Variants in CYRIB observed in about 807,000 individuals in gnomAD.
CYRIB encodes CYFIP-related Rac1 interactor B.
Under a neutral mutation model 44.2 loss-of-function variants are expected in CYRIB, and 8 were observed. The observed-to-expected ratio is 0.18, with a 90% CI of 0.11 to 0.33. The LOEUF (loss-of-function observed/expected upper bound fraction) is 0.33. CYRIB is among the 10% of genes least tolerant of loss of function. The pLI is 1.00. For missense variants in CYRIB, 185 were observed against 382.8 expected, an observed-to-expected ratio of 0.48 and a Z score of 4.31; for synonymous variants, 131 against 127.2, an observed-to-expected ratio of 1.03 and a Z score of -0.20.
At chr8:129,955,483 C>T (rs1336955803) in intron 2 of CYRIB, among the ~76,000 whole-genome samples, 1 of 152,014 alleles carries the variant, frequency 6.6e-6, no homozygotes, top group African/African-American at 2.4e-5. Flanking sequence ...ACCTACACAT[C>T]GAGGCTCCCA....
In CYRIB at chr8:129,915,131, C is replaced by T. The variant is rs188041319; in HGVS notation, c.-49-11781G>A. On this transcript the variant is annotated intron_variant, in intron 1 of 11. Transcript: ENST00000519824. ...CACCTTCAATATGACACAGTCATTC[C>T]ATCTACGTATTCATCCAAGAAAAAT... Among the ~76,000 whole-genome samples the T allele has an allele frequency of 3.7e-3, 560 of 152,294 alleles. 4 individuals carry two copies. The highest frequency in any genetic ancestry group is 0.013 in the African/African-American group (542 of 41,558).
At chr8:129,921,132 C>G (rs1056940535) in intron 1 of CYRIB, among the ~76,000 whole-genome samples, 1 of 152,302 alleles carries the variant, frequency 6.6e-6, no homozygotes, top group African/African-American at 2.4e-5. Flanking sequence ...ACCTTTTACT[C>G]AGACATAAGT....
intron 2 of CYRIB, chr8:129,903,105 A>G (rs1225073768): frequency 1.3e-5 from 2 of 152,584 alleles, no homozygotes; most frequent in African/African-American, 4.8e-5. Context: ...GCTGTTAAAA[A>G]AAGTTCTAAT....
At chr8:130,013,520 G>T (rs1233862260) in intron 1 of CYRIB, among the ~76,000 whole-genome samples, 3 of 152,192 alleles carry the variant, frequency 2.0e-5, no homozygotes, top group Non-Finnish European at 4.4e-5. Flanking sequence ...CTTAAAATCT[G>T]AATTTTCAGC....
In CYRIB at chr8:129,945,270, AT is replaced by A. The variant is rs375564837; in HGVS notation, c.-243+25672del. On this transcript the variant is annotated intron_variant, in intron 2 of 14. Transcript: ENST00000401979. ...CATTTGTTCATTCATGTGTTCATGT[AT>A]TCACTCCTTCTACAAAGCATTCCTG... Among the ~76,000 whole-genome samples, 166 of 152,308 alleles carry A rather than the reference AT, an allele frequency of 1.1e-3. 1 individual carries two copies. The highest frequency in any genetic ancestry group is 3.8e-3 in the African/African-American group (158 of 41,562).
At chr8:129,976,282 CTTTA>C (rs1282123337) in intron 1 of CYRIB, among the ~76,000 whole-genome samples, 2 of 152,046 alleles carry the variant, frequency 1.3e-5, no homozygotes, top group Admixed American at 6.6e-5. Context: ...CGCTTTATTG[CTTTA>C]TTTAATAAAA....
intron 2 of CYRIB, among the ~76,000 whole-genome samples, chr8:129,882,282 C>G (rs2061057720): frequency 6.6e-6 from 1 of 152,130 alleles, no homozygotes; most frequent in Admixed American, 6.6e-5. Flanking sequence ...GGTAGTTAAC[C>G]CTTTTGGGGA....
At chr8:129,890,516 C>T (rs2064887973) in intron 2 of CYRIB, 1 of 152,174 alleles carries the variant, frequency 6.6e-6, no homozygotes, top group Non-Finnish European at 1.5e-5. Context: ...CTCAGTAACC[C>T]TTCTGAAAAT....
chr8:129,855,782 TTG>T, intron 5 of CYRIB, 35 bp from the exon 8 acceptor site: 1 of 1,572,318 alleles, frequency 6.4e-7, no homozygotes, highest in Non-Finnish European at 8.6e-7. Flanking sequence ...ATTAAGTTGT[TTG>T]TATCTGTGTG....
rs187376174 is a variant in CYRIB at position 129,922,515 on chromosome 8, T to A, written c.-50+17093A>T. Among the ~76,000 whole-genome samples the A allele has an allele frequency of 4.6e-4, 70 of 152,248 alleles. No homozygotes were observed. In the South Asian group the frequency reaches 0.01, roughly 22 times the overall value. On this transcript the variant is annotated intron_variant, in intron 1 of 11. Coordinates refer to ENST00000519824, the Ensembl canonical transcript of CYRIB. ...GTTTCAAAACAAAATTTGAACATTA[T>A]TATAAAAGTAGAACACCCAGAAAAA...
chr8:129,960,471 T>C (rs1308666310), intron 2 of CYRIB, among the ~76,000 whole-genome samples: 1 of 151,472 alleles, frequency 6.6e-6, no homozygotes, highest in African/African-American at 2.4e-5. Context: ...GGCGGGCACC[T>C]GTAATCCCAG....
At chr8:129,987,520 C>T (rs1432361455) in intron 1 of CYRIB, among the ~76,000 whole-genome samples, 1 of 151,714 alleles carries the variant, frequency 6.6e-6, no homozygotes, top group African/African-American at 2.4e-5. Context: ...CATTCTCTCG[C>T]CTGCCACCTC....
At chr8:129,896,423 T>G (rs1340858762) in intron 2 of CYRIB, among the ~76,000 whole-genome samples, 1 of 152,232 alleles carries the variant, frequency 6.6e-6, no homozygotes, top group South Asian at 2.1e-4. Context: ...GGTTTACTGC[T>G]AAAACATTAA....
intron 2 of CYRIB, among the ~76,000 whole-genome samples, chr8:129,954,325 C>T (rs1035104383): frequency 6.6e-6 from 1 of 152,080 alleles, no homozygotes; most frequent in Admixed American, 6.6e-5. Context: ...CAGGTTCAAG[C>T]GATTCTCCTG....
chr8:130,006,225 C>A (rs2097058377), intron 1 of CYRIB, among the ~76,000 whole-genome samples: 1 of 151,980 alleles, frequency 6.6e-6, no homozygotes, highest in Admixed American at 6.6e-5. Context: ...ATCGCTTGAA[C>A]CCAGGAAGCG....
At chr8:129,919,105 T>G (rs1480765113) in intron 1 of CYRIB, among the ~76,000 whole-genome samples, 1 of 152,158 alleles carries the variant, frequency 6.6e-6, no homozygotes, top group African/African-American at 2.4e-5. Flanking sequence ...TGGCCTCCAG[T>G]GATTGGCCTC....
At chr8:129,885,399 AT>A (rs2062340725) in intron 2 of CYRIB, among the ~76,000 whole-genome samples, 2 of 152,358 alleles carry the variant, frequency 1.3e-5, no homozygotes, top group South Asian at 4.1e-4. Context: ...TTTTCCTCAC[AT>A]CCAGCTTATA....
intron 2 of CYRIB, among the ~76,000 whole-genome samples, chr8:129,888,311 C>A (rs2063618494): frequency 6.6e-6 from 1 of 152,172 alleles, no homozygotes; most frequent in Admixed American, 6.5e-5. Flanking sequence ...ACCTTCCCAG[C>A]CATGCTTCCT....
upstream of CYRIB, among the ~76,000 whole-genome samples, chr8:129,941,567 C>T (rs1355708384): frequency 6.6e-6 from 1 of 152,102 alleles, no homozygotes; most frequent in Non-Finnish European, 1.5e-5. Flanking sequence ...AGCCACCGCC[C>T]CCAGCTGGAG....
Sources: gnomAD v4.1 joint callset for allele counts (sites outside exome capture counted in the v4.1 genomes callset) on GRCh38, gnomAD v4.1.1 for gene constraint, MANE v1.5 for transcripts, NCBI Gene and HGNC (gene_info 2026-07-23, HGNC 2026-07-21) for gene names.